Variants in CTNNA3 observed in about 807,000 individuals in gnomAD.
CTNNA3 encodes catenin alpha-3.
A neutral mutation model predicts 95.7 loss-of-function variants in CTNNA3; 76 were observed. The ratio of observed to expected loss-of-function variants is 0.79; its 90% CI spans 0.66 to 0.96. The LOEUF (loss-of-function observed/expected upper bound fraction) is 0.96. Ranked by LOEUF, CTNNA3 falls within the 40% of genes least tolerant of loss-of-function variation. The pLI is 0.00. For synonymous variants in CTNNA3, 431 were observed against 374.4 expected, an observed-to-expected ratio of 1.15 and a Z score of -1.74; for missense variants, 1,191 against 1,089.8, an observed-to-expected ratio of 1.09 and a Z score of -1.31.
intron 14 of CTNNA3, among the ~76,000 whole-genome samples, chr10:66,089,773 T>C (rs2133687385): frequency 6.6e-6 from 1 of 151,522 alleles, no homozygotes; most frequent in South Asian, 2.1e-4. Flanking sequence ...TATATATATA[T>C]ATTACTAAAT....
chr10:66,442,038 C>A (rs1295090402), intron 11 of CTNNA3, among the ~76,000 whole-genome samples: 1 of 152,138 alleles, frequency 6.6e-6, no homozygotes, highest in Non-Finnish European at 1.5e-5. Flanking sequence ...GTTTGAAAAC[C>A]TATACAGTCA....
chr10:67,599,093 C>A (rs564643576), intron 3 of CTNNA3, among the ~76,000 whole-genome samples: 1 of 152,248 alleles, frequency 6.6e-6, no homozygotes, highest in East Asian at 1.9e-4. Context: ...TCCACCAAGG[C>A]CACACTATAG....
rs1198706116 is a variant in CTNNA3 at position 66,123,034 on chromosome 10, TA to T, written c.1885-19786del. Among the ~76,000 whole-genome samples, 105 of 152,230 alleles carry T rather than the reference TA, an allele frequency of 6.9e-4. 1 individual carries two copies. Among genetic ancestry groups the T allele is most frequent in the Non-Finnish European group, 1.2e-4 (8 of 68,010 alleles). On this transcript the variant is annotated intron_variant, in intron 13 of 17. Transcript: ENST00000433211. ...CCTCCCAAATCTCAGTCCTCACATT[TA>T]AAAACCAATCATGCCTTCCCAGCAG...
intron 10 of CTNNA3, among the ~76,000 whole-genome samples, chr10:66,532,188 C>T (rs1324233567): frequency 3.9e-5 from 6 of 152,072 alleles, no homozygotes; most frequent in Non-Finnish European, 5.9e-5. Flanking sequence ...CAAGGCCTGG[C>T]GCAGTGGCTC....
At chr10:66,250,384 A>T (rs1398205691) in intron 13 of CTNNA3, among the ~76,000 whole-genome samples, 1 of 152,190 alleles carries the variant, frequency 6.6e-6, no homozygotes, top group Non-Finnish European at 1.5e-5. Context: ...ACTATAATCA[A>T]TAATAATGTA....
chr10:66,617,831 T>A (rs1421009637), intron 10 of CTNNA3, among the ~76,000 whole-genome samples: 2 of 151,554 alleles, frequency 1.3e-5, no homozygotes, highest in African/African-American at 2.4e-5. Context: ...CAGCCCAAAA[T>A]CTCCTTAAGC....
intron 5 of CTNNA3, among the ~76,000 whole-genome samples, chr10:67,463,733 C>G (rs1312184789): frequency 3.3e-5 from 5 of 152,190 alleles, no homozygotes; most frequent in Admixed American, 1.3e-4. Flanking sequence ...TCTCTATAGG[C>G]TTTGCAGGCC....
intron 13 of CTNNA3, among the ~76,000 whole-genome samples, chr10:66,222,622 A>AAAAGAAAGAAAGAAAGAAAGAAAGAAAG (rs147010411): frequency 7.7e-5 from 5 of 65,286 alleles, no homozygotes; most frequent in African/African-American, 2.1e-4. Flanking sequence ...GAAAGAAAGA[A>AAAAGAAAGAAAGAAAGAAAGAAAGAAAG]AAAGAAAGAA....
At chr10:66,799,746 A>G (rs1007329971) in intron 7 of CTNNA3, among the ~76,000 whole-genome samples, 1 of 151,474 alleles carries the variant, frequency 6.6e-6, no homozygotes, top group Non-Finnish European at 1.5e-5. Flanking sequence ...AGGAAAAAGC[A>G]CACAGATTCA....
intron 13 of CTNNA3, among the ~76,000 whole-genome samples, chr10:66,245,952 G>A (rs2090302716): frequency 6.6e-6 from 1 of 152,204 alleles, no homozygotes; most frequent in African/African-American, 2.4e-5. Flanking sequence ...AGTGTGCACT[G>A]ATTTGGCTCA....
chr10:66,728,898 T>A (rs1165683218), intron 9 of CTNNA3, among the ~76,000 whole-genome samples: 1 of 152,156 alleles, frequency 6.6e-6, no homozygotes, highest in Non-Finnish European at 1.5e-5. Context: ...TTATTTAAGT[T>A]TTTAATAGAT....
Position 66,778,963 on chromosome 10 carries a change from A to G in CTNNA3, c.1048-3439T>C, listed in dbSNP as rs142910257. On this transcript the variant is annotated intron_variant, in intron 7 of 17. Transcript: ENST00000433211. ...TGCACTCCAGCCTGGCAACAGAGCA[A>G]GACTCCATATCAAAAAACATTTAAA... Among the ~76,000 whole-genome samples the G allele has an allele frequency of 7.2e-3, 1,090 of 152,292 alleles. 7 individuals carry two copies. Among genetic ancestry groups the G allele is most frequent in the Admixed American group, 0.015 (229 of 15,294 alleles).
In CTNNA3 at chr10:67,742,131, T is replaced by G. The variant is rs755343466; in HGVS notation, c.-2+21303A>C. ...AAAGTTAACAAGGATATCCAGGAAC[T>G]GAACTCAGCTCTGCACCAAGCGGAC... is the stretch of plus-strand genomic sequence containing the variant. On this transcript the variant is annotated intron_variant, in intron 1 of 17. Transcript: ENST00000684154. Among the ~76,000 whole-genome samples, 38 of 151,268 alleles carry G rather than the reference T, an allele frequency of 2.5e-4. 3 individuals are homozygous for G. The highest frequency in any genetic ancestry group is 3.5e-3 in the Middle Eastern group (1 of 286).
chr10:66,020,198 G>C (rs1180615932), intron 15 of CTNNA3, among the ~76,000 whole-genome samples: 2 of 152,144 alleles, frequency 1.3e-5, no homozygotes, highest in African/African-American at 4.8e-5. Flanking sequence ...ATTTTAATTT[G>C]GGATAAAGGC....
intron 11 of CTNNA3, among the ~76,000 whole-genome samples, chr10:66,447,924 T>G (rs1564973736): frequency 1.3e-5 from 2 of 152,046 alleles, no homozygotes; most frequent in Admixed American, 6.6e-5. Context: ...CGCAACCTAC[T>G]CATCTGACAA....
intron 9 of CTNNA3, among the ~76,000 whole-genome samples, chr10:66,678,254 C>A (rs1846935877): frequency 6.6e-6 from 1 of 152,118 alleles, no homozygotes; most frequent in South Asian, 2.1e-4. Flanking sequence ...TAGTAGTTCC[C>A]TCATCTATGC....
chr10:66,698,396 T>G (rs1343016987), intron 9 of CTNNA3, among the ~76,000 whole-genome samples: 2 of 152,192 alleles, frequency 1.3e-5, no homozygotes, highest in East Asian at 1.9e-4. Flanking sequence ...TCTTACAATG[T>G]GTGTGCGCTT....
chr10:66,887,366 A>G (rs1845082250), intron 7 of CTNNA3, among the ~76,000 whole-genome samples: 1 of 152,188 alleles, frequency 6.6e-6, no homozygotes, highest in Non-Finnish European at 1.5e-5. Flanking sequence ...TTCAGTTTCA[A>G]AATATCACTA....
intron 12 of CTNNA3, among the ~76,000 whole-genome samples, chr10:66,300,357 G>A (rs897576834): frequency 5.3e-5 from 8 of 151,914 alleles, no homozygotes; most frequent in Non-Finnish European, 1.2e-4. Context: ...TGCTTGTATT[G>A]AAAATTCTTT....
Sources: gnomAD v4.1 joint callset for allele counts (sites outside exome capture counted in the v4.1 genomes callset) on GRCh38, gnomAD v4.1.1 for gene constraint, MANE v1.5 for transcripts, NCBI Gene and HGNC (gene_info 2026-07-23, HGNC 2026-07-21) for gene names.